The following PGGT1B variants were observed in gnomAD, a reference collection of about 807,000 sequenced individuals.
The protein encoded by PGGT1B is protein geranylgeranyltransferase type I subunit beta.
Under a neutral mutation model 46.1 loss-of-function variants are expected in PGGT1B, and 30 were observed. The ratio of observed to expected loss-of-function variants is 0.65; its 90% CI spans 0.49 to 0.88. PGGT1B has a LOEUF of 0.88. Ranked by LOEUF, PGGT1B falls within the 40% of genes least tolerant of loss-of-function variation. The pLI, the probability that PGGT1B is intolerant of heterozygous loss-of-function variation, is 0.00. For missense variants in PGGT1B, 376 were observed against 455.9 expected (o/e 0.82, Z 1.60); for synonymous variants, 170 against 160.0 (o/e 1.06, Z -0.47).
At chr5:115,233,987 G>A (rs1261937029) in intron 5 of PGGT1B, among the ~76,000 whole-genome samples, 1 of 151,760 alleles carries the variant, frequency 6.6e-6, no homozygotes, top group African/African-American at 2.4e-5. Context: ...ATATATGCAG[G>A]AAGTTATTAA....
chr5:115,243,260 G>A (rs967067738), intron 2 of PGGT1B, among the ~76,000 whole-genome samples: 15 of 152,134 alleles, frequency 9.9e-5, no homozygotes, highest in African/African-American at 3.4e-4. Flanking sequence ...AGTATGAGAA[G>A]AAATGCACAC....
intron 6 of PGGT1B, among the ~76,000 whole-genome samples, chr5:115,224,115 T>TA (rs3840342): frequency 0.73 from 110,578 of 151,886 alleles, 41,423 homozygotes; most frequent in African/African-American, 0.92. Context: ...AAAGAAAAGC[T>TA]AAAAAAATTA....
intron 5 of PGGT1B, among the ~76,000 whole-genome samples, chr5:115,234,242 C>T (rs1467265175): frequency 1.3e-5 from 2 of 149,394 alleles, no homozygotes; most frequent in East Asian, 3.9e-4. Flanking sequence ...TGGTATGCTA[C>T]CTTATGAAGA....
intron 5 of PGGT1B, among the ~76,000 whole-genome samples, chr5:115,232,306 G>C (rs973535343): frequency 6.6e-6 from 1 of 151,956 alleles, no homozygotes; most frequent in Non-Finnish European, 1.5e-5. Context: ...AGATGTTCTA[G>C]GGAACTGCTA....
intron 2 of PGGT1B, among the ~76,000 whole-genome samples, chr5:115,245,197 G>A (rs2127020405): frequency 6.6e-6 from 1 of 152,206 alleles, no homozygotes; most frequent in South Asian, 2.1e-4. Flanking sequence ...TCTGTCAGGT[G>A]TTTTACATAG....
intron 3 of PGGT1B, among the ~76,000 whole-genome samples, chr5:115,241,139 TAG>T (rs781008767): frequency 1.3e-5 from 2 of 152,196 alleles, no homozygotes; most frequent in Middle Eastern, 3.2e-3. Context: ...GAGCTAAATG[TAG>T]AGTCTTTCTA....
chr5:115,246,269 T>C (rs546025580), intron 2 of PGGT1B, among the ~76,000 whole-genome samples: 2 of 151,940 alleles, frequency 1.3e-5, no homozygotes, highest in African/African-American at 2.4e-5. Context: ...GGCAGAAGAA[T>C]TGCTTGAACC....
chr5:115,208,685 C>T lies in PGGT1B; in HGVS notation c.*3717G>A, dbSNP rs1756135168. ...CATCACCAACTTGGATTTATTATTG[C>T]CTCTATTGTTTTGGTTTTCTACTAG... On this transcript the variant is annotated 3_prime_UTR_variant, in exon 9 of 9. Transcript: ENST00000419445. 6.6e-6 allele frequency: 1 copy of T among 151,784 alleles called. No individual in the cohort carries two copies. Among genetic ancestry groups the T allele is most frequent in the African/African-American group, 2.4e-5 (1 of 41,356 alleles). The allele number at this position is 151,784 out of a possible 1,614,324, so 9.4% of individuals were successfully genotyped here.
rs776585418 is a variant in PGGT1B, at chr5:115,262,808, C to A, written c.44G>T (p.Gly15Val). ...ATCCCGTAAGAAATCCAGCCGCTCT[C>A]CCTCACCGCTCCCTGCTAGCCTCTC... Reference protein sequence around the residue: ...EDERLAGSGEGERLDFLRDRH... With the variant: ...EDERLAGSGEVERLDFLRDRH... Residue 15 changes from glycine to valine, a missense_variant, in exon 1 of 9, where the codon GGA (glycine) becomes GTA (valine). By Grantham distance (109) the Gly-to-Val change is moderately radical. This residue lies in a region of PGGT1B where 154 missense variants were observed against 142.3 expected (regional missense o/e 1.08). Transcript: ENST00000419445. 6.2e-7 allele frequency: 1 copy of A among 1,612,856 alleles called. No individual in the cohort carries two copies. Among genetic ancestry groups the A allele is most frequent in the Non-Finnish European group, 8.5e-7 (1 of 1,179,920 alleles).
rs998299158 is a variant in PGGT1B, at chr5:115,262,476, G to A, written c.140+236C>T. ...GCAGCTCAGAGTTGCCAGAAGAAAA[G>A]GGAAGTGAAAAAGCCGGAAACTGGA... On this transcript the variant is annotated intron_variant, in intron 1 of 8. Coordinates refer to ENST00000419445, the MANE Select transcript of PGGT1B (RefSeq NM_005023.4). The A allele has an allele frequency of 9.6e-6, 5 of 523,010 alleles. No individual in the cohort carries two copies. In the South Asian group the frequency reaches 1.3e-4, roughly 13 times the overall value. The allele number at this position is 523,010 out of a possible 1,614,324, so 32.4% of individuals were successfully genotyped here. A position where few individuals can be genotyped will look rare whatever the true frequency, so the allele number is the denominator to read the frequency against.
chr5:115,239,814 G>C (rs141701328), intron 3 of PGGT1B, among the ~76,000 whole-genome samples: 1 of 152,186 alleles, frequency 6.6e-6, no homozygotes, highest in South Asian at 2.1e-4. Flanking sequence ...ATTTGCTAGA[G>C]AGCATGGGAT....
chr5:115,247,302 G>A (rs1242764914), intron 2 of PGGT1B, among the ~76,000 whole-genome samples: 3 of 152,060 alleles, frequency 2.0e-5, no homozygotes, highest in Non-Finnish European at 4.4e-5. Flanking sequence ...GCAATAAACT[G>A]TATTGTGAAA....
chr5:115,248,573 T>C (rs1257873527), intron 2 of PGGT1B, among the ~76,000 whole-genome samples: 1 of 152,224 alleles, frequency 6.6e-6, no homozygotes, highest in Non-Finnish European at 1.5e-5. Context: ...TCCAGTGGTC[T>C]CACCATACAC....
intron 5 of PGGT1B, 30 bp from the exon 6 acceptor site, chr5:115,231,051 T>A (rs747964231): frequency 8.0e-7 from 1 of 1,255,242 alleles, no homozygotes; most frequent in African/African-American, 1.5e-5. Flanking sequence ...TTCAGTTTAA[T>A]AGGGAAATAA....
At chr5:115,240,271 T>C (rs1183115342) in intron 3 of PGGT1B, among the ~76,000 whole-genome samples, 1 of 152,202 alleles carries the variant, frequency 6.6e-6, no homozygotes, top group Non-Finnish European at 1.5e-5. Context: ...ACTCCTGTTA[T>C]TTTGAAAATG....
chr5:115,213,062 A>G (rs562088354), intron 8 of PGGT1B, among the ~76,000 whole-genome samples: 1 of 152,344 alleles, frequency 6.6e-6, no homozygotes, highest in East Asian at 1.9e-4. Context: ...CCTAAACCAT[A>G]TGCAGTACTA....
intron 2 of PGGT1B, 96 bp from the exon 3 acceptor site, chr5:115,241,702 T>A: frequency 1.2e-6 from 1 of 821,152 alleles, no homozygotes; most frequent in Non-Finnish European, 1.9e-6. Flanking sequence ...AACAGACTAT[T>A]TTAGTCTCCA....
chr5:115,213,016 C>T lies in PGGT1B; in HGVS notation c.953-433G>A, dbSNP rs539574891. ...AAAACAAAACTCTGAATCTAAGTTG[C>T]AATATCCCTCGCTCCACGTTTTACC... On this transcript the variant is annotated intron_variant, in intron 8 of 8. Transcript: ENST00000419445. Among the ~76,000 whole-genome samples, 5 of 152,216 alleles carry T rather than the reference C, an allele frequency of 3.3e-5. No individual in the cohort carries two copies. The South Asian group carries it at 1.0e-3, about 32-fold the overall frequency.
At chr5:115,219,605 T>G (rs1440973145) in intron 7 of PGGT1B, among the ~76,000 whole-genome samples, 1 of 151,804 alleles carries the variant, frequency 6.6e-6, no homozygotes, top group Non-Finnish European at 1.5e-5. Flanking sequence ...AAAATTGTAC[T>G]GCATCAAAAA....
Sources: gnomAD v4.1 joint callset for allele counts (sites outside exome capture counted in the v4.1 genomes callset) on GRCh38, gnomAD v4.1.1 for gene constraint, gnomAD v4.1.1 regional missense constraint, MANE v1.5 for transcripts, NCBI Gene and HGNC (gene_info 2026-07-23, HGNC 2026-07-21) for gene names.